CPLANE1: variants seen among roughly 807,000 people sequenced by gnomAD.
CPLANE1 encodes ciliogenesis and planar polarity effector 1.
CPLANE1 carries 263 observed loss-of-function variants against 362.5 expected under a neutral mutation model. The ratio of observed to expected loss-of-function variants is 0.73; its 90% CI spans 0.66 to 0.80. CPLANE1 has a LOEUF of 0.80. Among genes scored for constraint, CPLANE1 ranks in the 30% least tolerant of loss-of-function variants. The pLI is 0.00. For synonymous variants in CPLANE1, 1,212 were observed against 1,302.6 expected (o/e 0.93, Z 1.50); for missense variants, 3,461 against 3,793.4 (o/e 0.91, Z 2.30).
chr5:37,148,773 G>A (rs1772529262), intron 42 of CPLANE1, among the ~76,000 whole-genome samples: 1 of 152,038 alleles, frequency 6.6e-6, no homozygotes, highest in African/African-American at 2.4e-5. Context: ...CAAACCTGCT[G>A]GGCCCAGTGG....
At chr5:37,111,656 C>A (rs1404336632) in intron 51 of CPLANE1, among the ~76,000 whole-genome samples, 2 of 152,162 alleles carry the variant, frequency 1.3e-5, no homozygotes, top group African/African-American at 4.8e-5. Context: ...AAGCTAACAT[C>A]ATTTGGTAGC....
the CPLANE1 span, among the ~76,000 whole-genome samples, chr5:37,094,276 A>G: frequency 6.6e-6 from 1 of 152,084 alleles, no homozygotes; most frequent in South Asian, 2.1e-4. Context: ...ACAGAAATCA[A>G]CTCCAAAAGG....
In CPLANE1 at chr5:37,243,122, G is replaced by A; in HGVS notation, c.571-3C>T. ...CACAGGCAGCAGTCTCCAAATAACT[G>A]TAGATAAATTTAATATACTTTAGTA... is the stretch of plus-strand genomic sequence containing the variant. On this transcript the variant is annotated splice_region_variant and splice_polypyrimidine_tract_variant and intron_variant, in intron 5 of 52. Transcript: ENST00000651892. 6.7e-7 allele frequency: 1 copy of A among 1,486,528 alleles called. No individual in the cohort carries two copies. The highest frequency in any genetic ancestry group is 9.1e-7 in the Non-Finnish European group (1 of 1,104,342). The allele number at this position is 1,486,528 out of a possible 1,614,324, so 92.1% of individuals were successfully genotyped here. A position where few individuals can be genotyped will look rare whatever the true frequency, so the allele number is the denominator to read the frequency against.
At chr5:37,237,449 G>A (rs751049846) in intron 8 of CPLANE1, among the ~76,000 whole-genome samples, 1 of 152,200 alleles carries the variant, frequency 6.6e-6, no homozygotes, top group South Asian at 2.1e-4. Context: ...ACTACTAAAA[G>A]ACGGGAGGGG....
chr5:37,092,427 A>T, the CPLANE1 span, among the ~76,000 whole-genome samples: 1 of 152,244 alleles, frequency 6.6e-6, no homozygotes, highest in East Asian at 1.9e-4. Flanking sequence ...CCACTTTCCC[A>T]AACATTCCTT....
At chr5:37,154,177 T>C (rs1356834270) in intron 41 of CPLANE1, among the ~76,000 whole-genome samples, 184 bp from the exon 42 acceptor site, 1 of 152,154 alleles carries the variant, frequency 6.6e-6, no homozygotes, top group Non-Finnish European at 1.5e-5. Flanking sequence ...ATACATAAAT[T>C]ACTACAACAA....
chr5:37,155,795 T>G (rs1455553677), intron 41 of CPLANE1, among the ~76,000 whole-genome samples: 3 of 152,230 alleles, frequency 2.0e-5, no homozygotes, highest in Non-Finnish European at 2.9e-5. Context: ...CCTAACATAC[T>G]CAGGGGTCAC....
In CPLANE1 at chr5:37,209,461, T is replaced by C; in HGVS notation, c.2921-3036A>G. 1 of 1,305,408 alleles carries C rather than the reference T, an allele frequency of 7.7e-7. No individual in the cohort carries two copies. Among genetic ancestry groups the C allele is most frequent in the Non-Finnish European group, 1.1e-6 (1 of 900,608 alleles). 80.9% of individuals were successfully genotyped at this position (1,305,408 alleles called of 1,614,324 possible). A position where few individuals can be genotyped will look rare whatever the true frequency, so the allele number is the denominator to read the frequency against. ...CAGACATTTAAGGATCGGGGTATAC[T>C]GGAAACACTCAAGATACAACTTCGA... On this transcript the variant is annotated intron_variant, in intron 16 of 52. Transcript: ENST00000651892. This position sits in a 1 kb window ranked among gnomAD's most constrained non-coding sequence, Gnocchi z 4.6.
At position 37,200,862 on chromosome 5, in the gene CPLANE1, C is replaced by T. The variant is rs550501121; in HGVS notation, c.3507+729G>A. The stretch of plus-strand genomic sequence containing the variant: ...TTTTTGAGACAGAGTTTTGCTCTGT[C>T]ACCCAGGCTGGAGTGCAGTGGTGCA... On this transcript the variant is annotated intron_variant, in intron 19 of 52. Transcript: ENST00000651892. Among the ~76,000 whole-genome samples the T allele has an allele frequency of 5.3e-5, 8 of 152,146 alleles. No individual in the cohort carries two copies. In the East Asian group the frequency reaches 1.5e-3, roughly 29 times the overall value.
intron 16 of CPLANE1, among the ~76,000 whole-genome samples, chr5:37,206,887 T>C (rs1790915051): frequency 6.6e-6 from 1 of 151,898 alleles, no homozygotes; most frequent in South Asian, 2.1e-4. Flanking sequence ...TACTAGATTA[T>C]GAAATGTAGA....
intron 46 of CPLANE1, among the ~76,000 whole-genome samples, chr5:37,126,802 A>G (rs140218262): frequency 5.3e-5 from 8 of 152,346 alleles, no homozygotes; most frequent in African/African-American, 1.7e-4. Flanking sequence ...GCTTGGGCAA[A>G]ATAGCAAACC....
At position 37,213,566 on chromosome 5, in the gene CPLANE1, AAT is replaced by A; in HGVS notation, c.2911_2912del (p.Ile971Ter). 6.5e-7 allele frequency: 1 copy of A among 1,538,220 alleles called. No homozygotes were observed. The highest frequency in any genetic ancestry group is 8.8e-7 in the Non-Finnish European group (1 of 1,139,434). On this transcript the variant is annotated frameshift_variant, in exon 16 of 53. Transcript: ENST00000651892. Reference sequence around the variant, plus strand: ...ATTTGTTTACTACATTACCTGTTTTAATATGAAGTGGGGGAAGAACATTCACA... The same window carrying A: ...ATTTGTTTACTACATTACCTGTTTTAATGAAGTGGGGGAAGAACATTCACA... ...HHVNVLPPLHIKTEQSFRLIP... is the reference protein window; with the variant it reads ...HHVNVLPPLHXKTEQSFRLIP...
At chr5:37,191,724 C>T (rs1291344621) in intron 21 of CPLANE1, among the ~76,000 whole-genome samples, 2 of 152,034 alleles carry the variant, frequency 1.3e-5, no homozygotes. Flanking sequence ...AGTCCCAGTA[C>T]TCAAGGGGCT....
At chr5:37,119,086 T>C (rs894142740) in intron 50 of CPLANE1, among the ~76,000 whole-genome samples, 2 of 152,218 alleles carry the variant, frequency 1.3e-5, no homozygotes, top group African/African-American at 4.8e-5. Context: ...TATAAATATG[T>C]TACAAATAAC....
At chr5:37,096,358 G>A in the CPLANE1 span, among the ~76,000 whole-genome samples, 1 of 152,118 alleles carries the variant, frequency 6.6e-6, no homozygotes, top group Non-Finnish European at 1.5e-5. Flanking sequence ...TCACATGTAG[G>A]AAAATGAAAA....
At chr5:37,211,719 C>A in intron 16 of CPLANE1, 1 of 778,700 alleles carries the variant, frequency 1.3e-6, no homozygotes, top group Non-Finnish European at 2.4e-6. Flanking sequence ...CCTCTCCATC[C>A]CTCCCTTCTC....
chr5:37,082,689 AG>A, the CPLANE1 span, among the ~76,000 whole-genome samples: 1 of 152,102 alleles, frequency 6.6e-6, no homozygotes, highest in Non-Finnish European at 1.5e-5. Context: ...GTTACCTATA[AG>A]AAACTTATTT....
rs750937677 is a variant in CPLANE1, at chr5:37,183,591, T to C, written c.4590A>G (p.Leu1530=). ...CTATTACAGGAAGTGTATTTTGTGA[T>C]AACTTTTCATGATCTTCTTTCTTTG... ...NPTKKEDHEK[L]SQNTLPVIGV... Residue 1530 remains leucine, a synonymous_variant, in exon 26 of 53, where the codon TTA becomes TTG. Transcript: ENST00000651892. 5.0e-6 allele frequency: 8 copies of C among 1,612,700 alleles called. No homozygotes were observed. The South Asian group carries it at 7.7e-5, about 16-fold the overall frequency.
intron 18 of CPLANE1, among the ~76,000 whole-genome samples, chr5:37,203,823 TA>T (rs1789921609): frequency 1.3e-5 from 2 of 152,302 alleles, no homozygotes; most frequent in Admixed American, 6.5e-5. Flanking sequence ...TGGCTTCATG[TA>T]CACATTTTTG....
Sources: allele counts gnomAD v4.1 joint callset (sites outside exome capture counted in the v4.1 genomes callset), GRCh38; gene constraint gnomAD v4.1.1; non-coding constraint Gnocchi (gnomAD v3.1); transcripts MANE v1.5; gene names NCBI Gene and HGNC (gene_info 2026-07-23, HGNC 2026-07-21).